TMEM229B: variants seen among roughly 807,000 people sequenced by gnomAD.
TMEM229B encodes transmembrane protein 229B.
Under a neutral mutation model 13.7 loss-of-function variants are expected in TMEM229B, and 6 were observed. The ratio of observed to expected loss-of-function variants is 0.44; its 90% CI spans 0.24 to 0.86. TMEM229B has a LOEUF of 0.86. Among genes scored for constraint, TMEM229B ranks in the 40% least tolerant of loss-of-function variants. The pLI is 0.23. For synonymous variants in TMEM229B, 107 were observed against 102.1 expected (o/e 1.05, Z -0.29); for missense variants, 170 against 236.0 (o/e 0.72, Z 1.83).
intron 1 of TMEM229B, among the ~76,000 whole-genome samples, chr14:67,520,544 C>G (rs2140269165): frequency 6.6e-6 from 1 of 152,304 alleles, no homozygotes. Context: ...GAATAATATT[C>G]CATTGTCTGG....
chr14:67,533,228 T>C (rs1478512135), intron 1 of TMEM229B: 1 of 150,586 alleles, frequency 6.6e-6, no homozygotes, highest in Non-Finnish European at 1.5e-5. Context: ...CGGGCACCCC[T>C]CCCGCTCCAG....
In TMEM229B at chr14:67,473,786, G is replaced by A. The variant is rs2030956220; in HGVS notation, c.138C>T (p.Ser46=). The part of the protein sequence containing the change: ...NLNWKFPGVT[S]VWALFIYGTS... ...TGCCGTAGATGAAGAGGGCCCACACGCTCGTGACCCCAGGGAACTTCCAGT... is the reference window on the plus strand; with the variant it reads ...TGCCGTAGATGAAGAGGGCCCACACACTCGTGACCCCAGGGAACTTCCAGT... The change falls in exon 3 of 3, where the codon AGC becomes AGT. Residue 46 remains serine (S), a synonymous_variant. Coordinates refer to ENST00000554480, the MANE Select transcript of TMEM229B (RefSeq NM_001348543.2). This position sits in a 1 kb window ranked among gnomAD's most constrained non-coding sequence, Gnocchi z 6.5. 1 of 1,613,966 alleles carries A rather than the reference G, an allele frequency of 6.2e-7. No individual in the cohort carries two copies. The highest frequency in any genetic ancestry group is 1.1e-5 in the South Asian group (1 of 90,998).
chr14:67,504,213 T>C (rs2032730499), intron 1 of TMEM229B, among the ~76,000 whole-genome samples: 1 of 151,574 alleles, frequency 6.6e-6, no homozygotes, highest in Admixed American at 6.6e-5. Flanking sequence ...GAGGTTTCAC[T>C]GTGTTGGCCA....
At chr14:67,533,003 T>TCCCTGCCGCCCC in intron 1 of TMEM229B, among the ~76,000 whole-genome samples, 1 of 152,144 alleles carries the variant, frequency 6.6e-6, no homozygotes, top group Non-Finnish European at 1.5e-5. Flanking sequence ...CCCGCCGCCC[T>TCCCTGCCGCCCC]CCCTGCCGCC....
In TMEM229B at chr14:67,473,221, T is replaced by C; in HGVS notation, c.*199A>G. 1.4e-6 allele frequency: 1 copy of C among 690,720 alleles called. No individual in the cohort carries two copies. Among genetic ancestry groups the C allele is most frequent in the Non-Finnish European group, 2.4e-6 (1 of 422,714 alleles). The allele number at this position is 690,720 out of a possible 1,614,324, so 42.8% of individuals were successfully genotyped here. A position where few individuals can be genotyped will look rare whatever the true frequency, so the allele number is the denominator to read the frequency against. ...CCCTTCCCAATGTCCCTCTGCTGCC[T>C]CCACACCCCATCCCCCAACACCTGA... On this transcript the variant is annotated 3_prime_UTR_variant, in exon 3 of 3. Transcript: ENST00000554480. This position sits in a 1 kb window ranked among gnomAD's most constrained non-coding sequence, Gnocchi z 6.5.
At chr14:67,531,524 G>A (rs1167914101) in intron 1 of TMEM229B, among the ~76,000 whole-genome samples, 1 of 151,928 alleles carries the variant, frequency 6.6e-6, no homozygotes, top group Non-Finnish European at 1.5e-5. Flanking sequence ...AGTCTCTTCT[G>A]CCCTCTACAG....
At chr14:67,505,763 G>A (rs2032802112) in intron 1 of TMEM229B, among the ~76,000 whole-genome samples, 2 of 151,676 alleles carry the variant, frequency 1.3e-5, no homozygotes, top group South Asian at 4.2e-4. Flanking sequence ...CTGGTATGCA[G>A]TGGTGCGATC....
In TMEM229B at chr14:67,500,445, A is replaced by C. The variant is rs562231434; in HGVS notation, c.-191-13273T>G. 2.6e-5 allele frequency among the ~76,000 whole-genome samples: 4 copies of C among 152,264 alleles called. No homozygotes were observed. The East Asian group carries it at 7.8e-4, about 30-fold the overall frequency. On this transcript the variant is annotated intron_variant, in intron 1 of 2. Coordinates refer to the TMEM229B transcript ENST00000357461. ...AGCTGAGCTCTCACCATTGCACTCC[A>C]ATCAGGGCAACAAGAGTGACACTCC... is the stretch of plus-strand genomic sequence containing the variant.
intron 1 of TMEM229B, among the ~76,000 whole-genome samples, chr14:67,493,902 ATTTTT>A (rs146063577): frequency 1.3e-5 from 2 of 151,588 alleles, no homozygotes; most frequent in Non-Finnish European, 2.9e-5. Flanking sequence ...TTTAAAAATA[ATTTTT>A]TTTTAATTGA....
intron 1 of TMEM229B, among the ~76,000 whole-genome samples, chr14:67,532,102 G>A (rs2033478177): frequency 6.6e-6 from 1 of 152,090 alleles, no homozygotes; most frequent in Non-Finnish European, 1.5e-5. Flanking sequence ...TTCAGCCATT[G>A]AAGTCCCATT....
chr14:67,502,314 G>C (rs551605408), intron 1 of TMEM229B, among the ~76,000 whole-genome samples: 10 of 151,200 alleles, frequency 6.6e-5, no homozygotes, highest in African/African-American at 2.4e-4. Flanking sequence ...CTGGGCAACA[G>C]AGTGAGACTC....
chr14:67,532,186 A>G (rs947717101), intron 1 of TMEM229B, among the ~76,000 whole-genome samples: 7 of 152,154 alleles, frequency 4.6e-5, no homozygotes, highest in Non-Finnish European at 1.0e-4. Context: ...CAAAACTTCT[A>G]CGTGAGAATG....
chr14:67,514,133 G>C (rs1467940699), intron 1 of TMEM229B, among the ~76,000 whole-genome samples: 1 of 152,136 alleles, frequency 6.6e-6, no homozygotes, highest in Non-Finnish European at 1.5e-5. Flanking sequence ...GCAGAAAGCT[G>C]CCTGGGGTCC....
chr14:67,529,983 C>T (rs1463889460), intron 1 of TMEM229B, among the ~76,000 whole-genome samples: 1 of 152,076 alleles, frequency 6.6e-6, no homozygotes, highest in Non-Finnish European at 1.5e-5. Flanking sequence ...AGGAGAGGGT[C>T]TCTTTGGAGC....
upstream of TMEM229B, among the ~76,000 whole-genome samples, chr14:67,519,600 T>G (rs1015055638): frequency 9.2e-5 from 14 of 152,106 alleles, no homozygotes; most frequent in Non-Finnish European, 2.1e-4. Flanking sequence ...AATAAGGGAC[T>G]GTTACTACAA....
chr14:67,523,597 G>T (rs998888021), intron 1 of TMEM229B, among the ~76,000 whole-genome samples: 1 of 152,200 alleles, frequency 6.6e-6, no homozygotes, highest in Non-Finnish European at 1.5e-5. Flanking sequence ...AGGAAGATGT[G>T]CGATTATTTG....
At chr14:67,506,927 T>A (rs1358025845) in intron 1 of TMEM229B, among the ~76,000 whole-genome samples, 1 of 152,120 alleles carries the variant, frequency 6.6e-6, no homozygotes, top group African/African-American at 2.4e-5. Context: ...AAGGTTGCAG[T>A]GAGCTGAGAT....
At chr14:67,507,845 G>A (rs545326730) in intron 1 of TMEM229B, among the ~76,000 whole-genome samples, 1 of 152,138 alleles carries the variant, frequency 6.6e-6, no homozygotes, top group African/African-American at 2.4e-5. Flanking sequence ...GCGGTTAAAA[G>A]AGCAATGACT....
intron 1 of TMEM229B, among the ~76,000 whole-genome samples, chr14:67,521,295 T>C (rs1339580600): frequency 1.3e-5 from 2 of 152,222 alleles, no homozygotes; most frequent in East Asian, 1.9e-4. Context: ...AATGAGTGCA[T>C]TGTGACAGGG....
Sources: gnomAD v4.1 joint callset for allele counts (sites outside exome capture counted in the v4.1 genomes callset) on GRCh38, gnomAD v4.1.1 for gene constraint, Gnocchi (gnomAD v3.1) non-coding constraint, MANE v1.5 for transcripts, NCBI Gene and HGNC (gene_info 2026-07-23, HGNC 2026-07-21) for gene names.